The following ERH variants were observed in gnomAD, a reference collection of about 807,000 sequenced individuals.
ERH encodes enhancer of rudimentary homolog.
In ERH, 1 loss-of-function variant was observed where a neutral mutation model predicts 16.8. The ratio of observed to expected loss-of-function variants is 0.06; its 90% CI spans 0.02 to 0.28. The LOEUF (loss-of-function observed/expected upper bound fraction) is 0.28. Among genes scored for constraint, ERH ranks in the 10% least tolerant of loss-of-function variants. The probability of loss-of-function intolerance (pLI) is 1.00; values close to 1 mark genes in which losing one functional copy is unlikely to be tolerated. For synonymous variants in ERH, 43 were observed against 43.6 expected (o/e 0.99, Z 0.05); for missense variants, 42 against 127.5 (o/e 0.33, Z 3.23).
chr14:69,385,808 C>G (rs1204561145), intron 3 of ERH, among the ~76,000 whole-genome samples: 3 of 152,120 alleles, frequency 2.0e-5, no homozygotes, highest in African/African-American at 7.2e-5. Context: ...ATCCAGGGGT[C>G]AATTAAATTC....
In ERH at chr14:69,387,082, AC is replaced by A; in HGVS notation, c.92del (p.Gly31ValfsTer10). Reference protein sequence around the residue: ...DYESVNECMEGVCKMYEEHLK... With the variant: ...DYESVNECMEXVCKMYEEHLK... The stretch of plus-strand genomic sequence containing the variant: ...GATGTTCTTCATACATTTTACAAAC[AC>A]CTAAGAAAGGATAGGAAAAAAAGCA... On this transcript the variant is annotated frameshift_variant and splice_region_variant, in exon 3 of 4. Coordinates refer to ENST00000557016, the MANE Select transcript of ERH (RefSeq NM_004450.3). LOFTEE classifies it high-confidence loss of function. 6.2e-7 allele frequency: 1 copy of A among 1,613,292 alleles called. No individual in the cohort carries two copies. The highest frequency in any genetic ancestry group is 8.5e-7 in the Non-Finnish European group (1 of 1,179,608).
At chr14:69,390,078 C>T (rs563447740) in intron 2 of ERH, among the ~76,000 whole-genome samples, 1 of 152,206 alleles carries the variant, frequency 6.6e-6, no homozygotes, top group Non-Finnish European at 1.5e-5. Flanking sequence ...GCCACCACAC[C>T]ATGCTTAATA....
In ERH at chr14:69,397,798, A is replaced by G. The variant is rs557415796; in HGVS notation, c.3+433T>C. On this transcript the variant is annotated intron_variant, in intron 1 of 3. Coordinates refer to ENST00000557016, the MANE Select transcript of ERH (RefSeq NM_004450.3). Reference sequence around the variant, plus strand: ...CCGAGCGAGGTGGCGGGCGCCTGTAATCCCAGCTACTAGGGAGGCTGAGAC... The same window carrying G: ...CCGAGCGAGGTGGCGGGCGCCTGTAGTCCCAGCTACTAGGGAGGCTGAGAC... Among the ~76,000 whole-genome samples, 26 of 151,726 alleles carry G rather than the reference A, an allele frequency of 1.7e-4. 2 individuals are homozygous for G. The South Asian group carries it at 5.0e-3, about 29-fold the overall frequency.
At chr14:69,387,801 T>C (rs937198955) in intron 2 of ERH, among the ~76,000 whole-genome samples, 2 of 151,928 alleles carry the variant, frequency 1.3e-5, no homozygotes, top group African/African-American at 2.4e-5. Flanking sequence ...TCCCAGCACT[T>C]TGGGAGGCCA....
At chr14:69,395,050 A>C in intron 1 of ERH, 138 bp from the exon 2 acceptor site, 1 of 662,700 alleles carries the variant, frequency 1.5e-6, no homozygotes, top group South Asian at 1.9e-5. Flanking sequence ...ATGGCATCCC[A>C]TGCCTATAAT....
intron 2 of ERH, among the ~76,000 whole-genome samples, chr14:69,391,299 A>C (rs144548447): frequency 6.6e-6 from 1 of 152,276 alleles, no homozygotes; most frequent in African/African-American, 2.4e-5. Flanking sequence ...TTCAGCAATA[A>C]AAAGAAATCA....
chr14:69,385,111 A>G (rs752847805), intron 3 of ERH, among the ~76,000 whole-genome samples: 2 of 152,156 alleles, frequency 1.3e-5, no homozygotes, highest in Non-Finnish European at 2.9e-5. Flanking sequence ...ATTAAAGCTC[A>G]TGGTCATTCA....
intron 1 of ERH, 134 bp from the exon 2 acceptor site, chr14:69,395,046 T>A: frequency 1.5e-6 from 1 of 668,622 alleles, no homozygotes; most frequent in Non-Finnish European, 2.5e-6. Flanking sequence ...AGGCATGGCA[T>A]CCCATGCCTA....
chr14:69,395,002 G>T, intron 1 of ERH, 90 bp from the exon 2 acceptor site: 4 of 870,656 alleles, frequency 4.6e-6, no homozygotes, highest in South Asian at 1.5e-5. Context: ...ATGCAATAAT[G>T]ATTGCTAGTT....
At chr14:69,398,142 G>C (rs1207064854) in intron 1 of ERH, 89 bp downstream of exon 1, 2 of 1,475,248 alleles carry the variant, frequency 1.4e-6, no homozygotes, top group East Asian at 2.3e-5. Context: ...GCGCTGCATG[G>C]GGCTCGTGGG....
chr14:69,390,710 C>T (rs886500337), intron 2 of ERH, among the ~76,000 whole-genome samples: 14 of 152,160 alleles, frequency 9.2e-5, no homozygotes, highest in African/African-American at 3.4e-4. Flanking sequence ...CTCCAAAAGA[C>T]ACTATTAAGA....
intron 1 of ERH, among the ~76,000 whole-genome samples, chr14:69,395,959 T>G (rs1490559746): frequency 6.6e-6 from 1 of 152,230 alleles, no homozygotes; most frequent in Admixed American, 6.5e-5. Flanking sequence ...CAAATCAATC[T>G]CAGTGTTTTC....
intron 3 of ERH, among the ~76,000 whole-genome samples, chr14:69,386,494 C>A (rs2045894019): frequency 6.6e-6 from 1 of 152,116 alleles, no homozygotes; most frequent in Non-Finnish European, 1.5e-5. Flanking sequence ...ATTATCAATA[C>A]AAACTATAAC....
intron 2 of ERH, among the ~76,000 whole-genome samples, chr14:69,389,313 C>T (rs2045910678): frequency 6.6e-6 from 1 of 152,234 alleles, no homozygotes; most frequent in African/African-American, 2.4e-5. Flanking sequence ...AGGCATAAGC[C>T]ACCATGCCCG....
intron 1 of ERH, among the ~76,000 whole-genome samples, chr14:69,395,159 T>C (rs1882308523): frequency 6.6e-6 from 1 of 151,902 alleles, no homozygotes; most frequent in South Asian, 2.1e-4. Context: ...TACAAAAAAA[T>C]AAAATTTGCC....
chr14:69,398,172 C>T (rs1882415612), intron 1 of ERH, 59 bp downstream of exon 1: 1 of 1,608,752 alleles, frequency 6.2e-7, no homozygotes, highest in Non-Finnish European at 8.5e-7. Flanking sequence ...ACGTATGGGG[C>T]TGGGGTCGCT....
chr14:69,395,578 G>C (rs1882316134), intron 1 of ERH, among the ~76,000 whole-genome samples: 1 of 151,916 alleles, frequency 6.6e-6, no homozygotes, highest in Non-Finnish European at 1.5e-5. Flanking sequence ...AACTCAGATG[G>C]GCTGATGAAA....
At chr14:69,384,148 T>C (rs1013723440) in intron 3 of ERH, among the ~76,000 whole-genome samples, 24 of 152,252 alleles carry the variant, frequency 1.6e-4, no homozygotes, top group Non-Finnish European at 2.8e-4. Context: ...TTGAAATTTA[T>C]AATTTATCTC....
chr14:69,389,298 A>G (rs1427348572), intron 2 of ERH, among the ~76,000 whole-genome samples: 1 of 152,218 alleles, frequency 6.6e-6, no homozygotes, highest in Non-Finnish European at 1.5e-5. Flanking sequence ...AAGTGCTGGG[A>G]TTACAGGCAT....
Sources: allele counts gnomAD v4.1 joint callset (sites outside exome capture counted in the v4.1 genomes callset), GRCh38; gene constraint gnomAD v4.1.1; transcripts MANE v1.5; gene names NCBI Gene and HGNC (gene_info 2026-07-23, HGNC 2026-07-21).